Variants in COX7B2 observed in about 807,000 individuals in gnomAD.
The protein encoded by COX7B2 is cytochrome c oxidase subunit 7B2.
For missense variants in COX7B2, 109 were observed against 95.9 expected, an observed-to-expected ratio of 1.14 and a Z score of -0.57; for synonymous variants, 37 against 32.1, an observed-to-expected ratio of 1.15 and a Z score of -0.51.
chr4:46,832,632 C>T (rs2109731917), intron 2 of COX7B2, among the ~76,000 whole-genome samples: 1 of 152,202 alleles, frequency 6.6e-6, no homozygotes, highest in Non-Finnish European at 1.5e-5. Context: ...GAGGTGGTAT[C>T]TAGAGGGAGG....
chr4:46,806,370 T>C (rs1411931176), intron 2 of COX7B2, among the ~76,000 whole-genome samples: 2 of 152,052 alleles, frequency 1.3e-5, no homozygotes, highest in African/African-American at 4.8e-5. Flanking sequence ...AAAAAACTTT[T>C]CCATGTCTTC....
intron 2 of COX7B2, among the ~76,000 whole-genome samples, chr4:46,802,853 GT>G (rs1248433394): frequency 1.3e-5 from 2 of 152,146 alleles, no homozygotes; most frequent in African/African-American, 4.8e-5. Flanking sequence ...GATTCATGAG[GT>G]GAAAAACATA....
chr4:46,735,490 TA>T (rs1714309990), intron 2 of COX7B2, among the ~76,000 whole-genome samples: 1 of 152,218 alleles, frequency 6.6e-6, no homozygotes, highest in Admixed American at 6.5e-5. Flanking sequence ...GGTAAGCATG[TA>T]ATAAATGTTA....
intron 2 of COX7B2, among the ~76,000 whole-genome samples, chr4:46,756,494 A>G (rs1715808970): frequency 6.6e-6 from 1 of 151,954 alleles, no homozygotes; most frequent in Admixed American, 6.6e-5. Flanking sequence ...AAAGAAACAA[A>G]TAACAGAGTA....
At chr4:46,852,666 A>C (rs1486837459) in intron 1 of COX7B2, among the ~76,000 whole-genome samples, 1 of 152,136 alleles carries the variant, frequency 6.6e-6, no homozygotes, top group African/African-American at 2.4e-5. Flanking sequence ...CCCCAAAATC[A>C]AATCAATTCT....
chr4:46,906,287 T>C (rs1167252082), intron 1 of COX7B2, among the ~76,000 whole-genome samples: 2 of 152,230 alleles, frequency 1.3e-5, no homozygotes, highest in East Asian at 3.9e-4. Flanking sequence ...AAGCTGCAAC[T>C]GATGATCCTG....
chr4:46,865,265 C>T (rs901834564), intron 1 of COX7B2, among the ~76,000 whole-genome samples: 8 of 152,164 alleles, frequency 5.3e-5, no homozygotes, highest in African/African-American at 1.2e-4. Context: ...ATCCAACATG[C>T]TGTAGAAGAC....
At chr4:46,789,770 T>C (rs940025294) in intron 2 of COX7B2, among the ~76,000 whole-genome samples, 2 of 152,144 alleles carry the variant, frequency 1.3e-5, no homozygotes, top group African/African-American at 4.8e-5. Context: ...CTGTAAATCC[T>C]GAATTGGTTT....
chr4:46,774,027 A>T (rs1275005629), intron 2 of COX7B2, among the ~76,000 whole-genome samples: 1 of 152,140 alleles, frequency 6.6e-6, no homozygotes, highest in Non-Finnish European at 1.5e-5. Flanking sequence ...ATCCATGGAC[A>T]GCTCATTAAC....
chr4:46,905,521 C>T (rs1427162752), intron 1 of COX7B2, among the ~76,000 whole-genome samples: 1 of 152,120 alleles, frequency 6.6e-6, no homozygotes, highest in Non-Finnish European at 1.5e-5. Flanking sequence ...CCTATCAATA[C>T]GATAATTTTG....
intron 2 of COX7B2, among the ~76,000 whole-genome samples, chr4:46,816,798 A>C (rs1481829540): frequency 6.6e-6 from 1 of 152,226 alleles, no homozygotes; most frequent in Non-Finnish European, 1.5e-5. Context: ...GTAGACTAGA[A>C]ATAAATCTGT....
chr4:46,892,191 G>T (rs1403730904), intron 1 of COX7B2, among the ~76,000 whole-genome samples: 1 of 152,134 alleles, frequency 6.6e-6, no homozygotes, highest in African/African-American at 2.4e-5. Flanking sequence ...AACTACCGGG[G>T]CCACTGGTAC....
chr4:46,847,537 C>T (rs1716370818), intron 1 of COX7B2, among the ~76,000 whole-genome samples: 1 of 152,016 alleles, frequency 6.6e-6, no homozygotes, highest in African/African-American at 2.4e-5. Flanking sequence ...CCCAGGTAAG[C>T]TGTGAGCAGA....
At chr4:46,885,758 A>G (rs940350538) in intron 1 of COX7B2, among the ~76,000 whole-genome samples, 1 of 152,164 alleles carries the variant, frequency 6.6e-6, no homozygotes, top group Non-Finnish European at 1.5e-5. Flanking sequence ...ATCTTAACAT[A>G]TAATTCTTCC....
At position 46,898,313 on chromosome 4, in the gene COX7B2, C is replaced by A. The variant is rs1719886099; in HGVS notation, c.-105+10847G>T. Among the ~76,000 whole-genome samples, 7 of 152,322 alleles carry A rather than the reference C, an allele frequency of 4.6e-5. 1 individual carries two copies. The South Asian group carries it at 1.5e-3, about 32-fold the overall frequency. On this transcript the variant is annotated intron_variant, in intron 1 of 2. Coordinates refer to ENST00000355591, the MANE Select transcript of COX7B2 (RefSeq NM_130902.3). ...ACTTTGGACTCCTCTTCTGAATTCT[C>A]TTCTCCAAAAGCCAAATCTATATTA...
At chr4:46,875,903 A>T (rs1031571142) in intron 1 of COX7B2, among the ~76,000 whole-genome samples, 1 of 152,090 alleles carries the variant, frequency 6.6e-6, no homozygotes, top group African/African-American at 2.4e-5. Flanking sequence ...TTAAAATTTC[A>T]ACTACTATAG....
At chr4:46,903,026 C>A (rs1317611517) in intron 1 of COX7B2, among the ~76,000 whole-genome samples, 1 of 152,068 alleles carries the variant, frequency 6.6e-6, no homozygotes, top group South Asian at 2.1e-4. Context: ...TGAGATCAAA[C>A]AACTTAAGAA....
At chr4:46,864,408 G>A (rs1717520689) in intron 1 of COX7B2, among the ~76,000 whole-genome samples, 1 of 152,100 alleles carries the variant, frequency 6.6e-6, no homozygotes, top group African/African-American at 2.4e-5. Flanking sequence ...CTGAAGGGAG[G>A]CAGTGAAGTA....
intron 2 of COX7B2, among the ~76,000 whole-genome samples, chr4:46,750,508 G>T (rs972261496): frequency 6.8e-6 from 1 of 146,650 alleles, no homozygotes; most frequent in Non-Finnish European, 1.5e-5. Flanking sequence ...AACTATTAAA[G>T]AGTCCAGATA....
Sources: allele counts gnomAD v4.1 joint callset (sites outside exome capture counted in the v4.1 genomes callset), GRCh38; gene constraint gnomAD v4.1.1; transcripts MANE v1.5; gene names NCBI Gene and HGNC (gene_info 2026-07-23, HGNC 2026-07-21).